The following SPATA6L variants were observed in gnomAD, a reference collection of about 807,000 sequenced individuals.
SPATA6L encodes the protein spermatogenesis associated 6 like, also known as spermatogenesis associated 6-like protein.
SPATA6L carries 68 observed loss-of-function variants against 49.2 expected under a neutral mutation model. That is an observed-to-expected ratio of 1.38 (90% CI 1.14 to 1.69). The LOEUF (loss-of-function observed/expected upper bound fraction) is 1.69. SPATA6L is among the 40% of genes most tolerant of loss of function. The pLI, the probability that SPATA6L is intolerant of heterozygous loss-of-function variation, is 0.00. For synonymous variants in SPATA6L, 198 were observed against 165.7 expected (o/e 1.19, Z -1.50); for missense variants, 668 against 464.3 (o/e 1.44, Z -4.03).
At chr9:4,658,724 G>A (rs1587518142) in intron 2 of SPATA6L, among the ~76,000 whole-genome samples, 1 of 152,108 alleles carries the variant, frequency 6.6e-6, no homozygotes, top group Non-Finnish European at 1.5e-5. Context: ...CAGATGCAGT[G>A]GCTCATGCTG....
At chr9:4,605,080 A>T (rs906490881) in intron 10 of SPATA6L, among the ~76,000 whole-genome samples, 4 of 152,056 alleles carry the variant, frequency 2.6e-5, no homozygotes, top group African/African-American at 9.7e-5. Context: ...CTGCTTGATG[A>T]GTGCTGTGCA....
chr9:4,656,138 C>G, intron 2 of SPATA6L, 49 bp from the exon 3 acceptor site: 1 of 1,524,406 alleles, frequency 6.6e-7, no homozygotes, highest in Non-Finnish European at 9.0e-7. Flanking sequence ...TATTAATAAG[C>G]GCATATAGAA....
At chr9:4,626,416 C>T (rs1220164477) in intron 5 of SPATA6L, 1 of 1,303,472 alleles carries the variant, frequency 7.7e-7, no homozygotes, top group African/African-American at 1.5e-5. Flanking sequence ...CCAGCTCATC[C>T]AAGTCCCACC....
intron 9 of SPATA6L, 146 bp downstream of exon 9, chr9:4,617,777 G>C: frequency 1.5e-6 from 1 of 662,654 alleles, no homozygotes; most frequent in Non-Finnish European, 2.3e-6. Context: ...CTTTTGGGTA[G>C]ATTTTAAAAG....
intron 5 of SPATA6L, chr9:4,627,236 G>C (rs59211170): frequency 6.6e-4 from 102 of 154,150 alleles, no homozygotes; most frequent in Non-Finnish European, 1.2e-3. Flanking sequence ...ACAGCATTAA[G>C]ATGGTAGAAT....
chr9:4,654,802 C>T (rs73395714), intron 3 of SPATA6L, among the ~76,000 whole-genome samples: 3 of 152,154 alleles, frequency 2.0e-5, no homozygotes, highest in East Asian at 3.9e-4. Flanking sequence ...CTAGGGTCTC[C>T]GTCTGTTACA....
At chr9:4,597,493 T>A (rs1426018898), downstream of SPATA6L, among the ~76,000 whole-genome samples, 4 of 152,116 alleles carry the variant, frequency 2.6e-5, no homozygotes, top group African/African-American at 9.7e-5. Context: ...AACTCAGCCA[T>A]CAAGAAAAGG....
intron 3 of SPATA6L, among the ~76,000 whole-genome samples, chr9:4,649,531 G>C (rs1454844518): frequency 1.3e-5 from 2 of 152,182 alleles, no homozygotes; most frequent in Non-Finnish European, 2.9e-5. Context: ...GGAAACTATA[G>C]TAATGTGGAC....
intron 3 of SPATA6L, among the ~76,000 whole-genome samples, chr9:4,651,169 A>ATTG (rs969623368): frequency 8.1e-4 from 123 of 151,908 alleles, no homozygotes; most frequent in Non-Finnish European, 1.2e-3. Context: ...CACCCCACTA[A>ATTG]TTGTTGTTGT....
intron 9 of SPATA6L, among the ~76,000 whole-genome samples, chr9:4,614,524 G>A (rs530584817): frequency 6.6e-6 from 1 of 152,156 alleles, no homozygotes; most frequent in South Asian, 2.1e-4. Flanking sequence ...CTGCCCTAGT[G>A]ATCGCTCTAA....
chr9:4,646,570 CCA>C, intron 3 of SPATA6L: 1 of 1,290,816 alleles, frequency 7.7e-7, no homozygotes, highest in South Asian at 1.6e-5. Flanking sequence ...CCAAAAATTG[CCA>C]CAGTCTTTCA....
chr9:4,595,875 A>C (rs1160980797), downstream of SPATA6L, among the ~76,000 whole-genome samples: 6 of 152,242 alleles, frequency 3.9e-5, no homozygotes, highest in Non-Finnish European at 8.8e-5. Context: ...AACAGGAGTC[A>C]AAACTGGTGG....
At chr9:4,647,779 TA>T (rs893627818) in intron 3 of SPATA6L, among the ~76,000 whole-genome samples, 2 of 151,060 alleles carry the variant, frequency 1.3e-5, no homozygotes, top group South Asian at 2.1e-4. Context: ...TTATAACAAT[TA>T]AAAAATCAAT....
Position 4,610,017 on chromosome 9 carries a change from G to T in SPATA6L, c.996-4577C>A, listed in dbSNP as rs199608853. On this transcript the variant is annotated intron_variant, in intron 9 of 11. Coordinates refer to ENST00000682582, the MANE Select transcript of SPATA6L (RefSeq NM_001353486.2). ...TACACCAACAACAGACAAACAGAGA[G>T]CCAAATCATGAGTGAACTCCCATTC... 5.0e-4 allele frequency among the ~76,000 whole-genome samples: 76 copies of T among 151,728 alleles called. No individual in the cohort carries two copies. In the East Asian group the frequency reaches 0.013, roughly 25 times the overall value.
chr9:4,626,247 C>G (rs763990827), intron 5 of SPATA6L: 3 of 440,446 alleles, frequency 6.8e-6, no homozygotes, highest in Non-Finnish European at 1.0e-5. Context: ...TAGCCTTTCC[C>G]CTATTATGCC....
downstream of SPATA6L, among the ~76,000 whole-genome samples, chr9:4,594,780 G>A (rs149469210): frequency 3.9e-5 from 6 of 152,090 alleles, no homozygotes; most frequent in South Asian, 4.2e-4. Flanking sequence ...CTCTTCCCAC[G>A]TAATTCTTGA....
At chr9:4,624,950 T>G (rs1190473035) in intron 6 of SPATA6L, among the ~76,000 whole-genome samples, 1 of 152,222 alleles carries the variant, frequency 6.6e-6, no homozygotes, top group Non-Finnish European at 1.5e-5. Context: ...TTAAAACTGA[T>G]GAAGCTTTAG....
intron 9 of SPATA6L, among the ~76,000 whole-genome samples, chr9:4,611,099 T>C: frequency 6.7e-6 from 1 of 149,440 alleles, no homozygotes; most frequent in East Asian, 1.9e-4. Context: ...CACATTGAGA[T>C]ACCATCTCAC....
chr9:4,602,527 C>A (rs746988048), intron 11 of SPATA6L, among the ~76,000 whole-genome samples: 39 of 152,148 alleles, frequency 2.6e-4, no homozygotes, highest in African/African-American at 8.0e-4. Flanking sequence ...CTTTCAGGAG[C>A]CTGACTACAG....
Sources: allele counts gnomAD v4.1 joint callset (sites outside exome capture counted in the v4.1 genomes callset), GRCh38; gene constraint gnomAD v4.1.1; transcripts MANE v1.5; gene names NCBI Gene and HGNC (gene_info 2026-07-23, HGNC 2026-07-21).